Variants in NSUN6 observed in about 807,000 individuals in gnomAD.
NSUN6 encodes the protein tRNA (cytosine(72)-C(5))-methyltransferase NSUN6.
In NSUN6, 64 loss-of-function variants were observed where a neutral mutation model predicts 58.0. That is an observed-to-expected ratio of 1.10 (90% CI 0.90 to 1.36). The LOEUF is 1.36. NSUN6 is among the 40% of genes most tolerant of loss of function. The pLI is 0.00. For missense variants in NSUN6, 701 were observed against 550.1 expected (o/e 1.27, Z -2.74); for synonymous variants, 231 against 193.9 (o/e 1.19, Z -1.59).
upstream of NSUN6, chr10:18,651,649 C>A (rs939344544): frequency 6.1e-6 from 6 of 985,894 alleles, no homozygotes; most frequent in Non-Finnish European, 7.2e-6. Context: ...ACGTCACGTC[C>A]GGCGCCTGCG....
intron 8 of NSUN6, among the ~76,000 whole-genome samples, chr10:18,571,428 C>T (rs1325343659): frequency 6.6e-6 from 1 of 150,544 alleles, no homozygotes; most frequent in Non-Finnish European, 1.5e-5. Flanking sequence ...CCATTCCATT[C>T]TTCATTCCAT....
upstream of NSUN6, chr10:18,658,600 A>G (rs1213163278): frequency 1.1e-6 from 1 of 895,260 alleles, no homozygotes; most frequent in Non-Finnish European, 1.3e-6. Flanking sequence ...GGCAAAATGG[A>G]GAGGGGTGCT....
upstream of NSUN6, chr10:18,652,576 T>G: frequency 1.0e-6 from 1 of 982,164 alleles, no homozygotes; most frequent in Admixed American, 6.2e-5. Context: ...GCTCTTTTTT[T>G]TTTTTTTTTT....
At chr10:18,598,545 C>T (rs1257248457) in intron 6 of NSUN6, among the ~76,000 whole-genome samples, 4 of 152,212 alleles carry the variant, frequency 2.6e-5, no homozygotes, top group Non-Finnish European at 4.4e-5. Flanking sequence ...AACCACGGCT[C>T]ACTGAAGCCT....
At chr10:18,606,949 A>T (rs539092989) in intron 6 of NSUN6, among the ~76,000 whole-genome samples, 31 of 152,158 alleles carry the variant, frequency 2.0e-4, no homozygotes, top group Admixed American at 3.9e-4. Context: ...TCCATATTAG[A>T]TCTAAGTTAA....
chr10:18,619,602 A>T (rs79322364), intron 3 of NSUN6, among the ~76,000 whole-genome samples: 1,809 of 152,224 alleles, frequency 0.012, 12 homozygotes, highest in Non-Finnish European at 0.02. Context: ...ACTCAACTAC[A>T]TCATTTTGTG....
chr10:18,574,858 T>C (rs533676412), intron 8 of NSUN6, among the ~76,000 whole-genome samples: 13 of 152,260 alleles, frequency 8.5e-5, no homozygotes, highest in South Asian at 2.1e-4. Flanking sequence ...AGGAAACAAC[T>C]ATTGTCCATG....
intron 8 of NSUN6, among the ~76,000 whole-genome samples, chr10:18,577,499 A>G (rs2056709074): frequency 6.6e-6 from 1 of 152,182 alleles, no homozygotes; most frequent in Admixed American, 6.5e-5. Flanking sequence ...AGAGGCTCAT[A>G]GAAATGGCAC....
chr10:18,546,100 A>G lies in NSUN6; in HGVS notation c.1243T>C (p.Cys415Arg). 6.2e-7 allele frequency: 1 copy of G among 1,613,292 alleles called. No homozygotes were observed. The highest frequency in any genetic ancestry group is 8.5e-7 in the Non-Finnish European group (1 of 1,179,688). The change falls in exon 11 of 11, where the codon TGT (cysteine) becomes CGT (arginine). Residue 415 changes from cysteine to arginine, a missense_variant. Physicochemically the swap from Cys to Arg is radical, Grantham distance 180 (BLOSUM62 -3). Transcript: ENST00000377304. ...CGCTGCAGCTGTTTCAACTGTTCACATGAGAGCCCAGCTCCCCTCATTCCT... is the reference window on the plus strand; with the variant it reads ...CGCTGCAGCTGTTTCAACTGTTCACGTGAGAGCCCAGCTCCCCTCATTCCT... Reference protein sequence around the residue: ...GEGMRGAGLSCEQLKQLQRFD... With the variant: ...GEGMRGAGLSREQLKQLQRFD...
chr10:18,648,535 G>C lies in NSUN6; in HGVS notation c.186C>G (p.Ala62=), dbSNP rs754033139. Residue 62 remains alanine, a synonymous_variant, in exon 2 of 11, where the codon GCC becomes GCG. Coordinates refer to ENST00000377304, the MANE Select transcript of NSUN6 (RefSeq NM_182543.5). Reference sequence around the variant, plus strand: ...ACAGATTTTTCACATGTTGTACTGAGGCTAAATGTGTATTCACTCTGACAG... The same window carrying C: ...ACAGATTTTTCACATGTTGTACTGACGCTAAATGTGTATTCACTCTGACAG... ...FTTVRVNTHL[A]SVQHVKNLLL... is the part of the protein sequence containing the mutation. The C allele has an allele frequency of 2.5e-6, 4 of 1,609,032 alleles. No homozygotes were observed. The highest frequency in any genetic ancestry group is 3.4e-6 in the Non-Finnish European group (4 of 1,175,630).
chr10:18,550,140 C>T (rs1252892103), intron 9 of NSUN6, among the ~76,000 whole-genome samples: 3 of 152,210 alleles, frequency 2.0e-5, no homozygotes, highest in African/African-American at 7.2e-5. Context: ...CATTCATCTA[C>T]TCCTAGTAGC....
At chr10:18,615,896 G>C (rs1334914358) in intron 4 of NSUN6, among the ~76,000 whole-genome samples, 2 of 149,468 alleles carry the variant, frequency 1.3e-5, no homozygotes, top group Non-Finnish European at 3.0e-5. Flanking sequence ...ATGCAGTCAA[G>C]AAAACAAAAC....
At chr10:18,549,117 G>A (rs11014800) in intron 9 of NSUN6, among the ~76,000 whole-genome samples, 7,360 of 152,118 alleles carry the variant, frequency 0.048, 274 homozygotes, top group Non-Finnish European at 0.077. Flanking sequence ...TCAGCCCCAA[G>A]CCCCTCACAT....
At chr10:18,635,635 G>A (rs557319819) in intron 3 of NSUN6, among the ~76,000 whole-genome samples, 35 of 151,894 alleles carry the variant, frequency 2.3e-4, no homozygotes, top group East Asian at 1.4e-3. Flanking sequence ...TCAGGATTTC[G>A]AAGACCAGCC....
At chr10:18,602,369 G>A (rs897633955) in intron 6 of NSUN6, among the ~76,000 whole-genome samples, 3 of 151,406 alleles carry the variant, frequency 2.0e-5, no homozygotes, top group East Asian at 2.0e-4. Flanking sequence ...TCAGCCTCCC[G>A]AGTAGCTGGG....
chr10:18,610,181 CGTGGTGACAGGCTGTA>C (rs1227603657), intron 5 of NSUN6, among the ~76,000 whole-genome samples: 1 of 151,870 alleles, frequency 6.6e-6, no homozygotes, highest in Non-Finnish European at 1.5e-5. Flanking sequence ...ATTAGCCAAG[CGTGGTGACAGGCTGTA>C]GTGGTGACAG....
chr10:18,604,611 T>A (rs1181915320), intron 6 of NSUN6, among the ~76,000 whole-genome samples: 1 of 152,174 alleles, frequency 6.6e-6, no homozygotes, highest in East Asian at 2.0e-4. Flanking sequence ...AGGCCAGGCA[T>A]GGTGGCTCAC....
At chr10:18,651,037 A>G in intron 1 of NSUN6, 92 bp downstream of exon 1, 1 of 1,493,138 alleles carries the variant, frequency 6.7e-7, no homozygotes, top group African/African-American at 1.4e-5. Context: ...GACGGCTGTC[A>G]AGATTTCCCT....
intron 8 of NSUN6, among the ~76,000 whole-genome samples, chr10:18,578,841 T>C (rs1203072539): frequency 1.3e-5 from 2 of 152,134 alleles, no homozygotes; most frequent in East Asian, 3.9e-4. Flanking sequence ...GAAGAAACTA[T>C]GGGCTGCATT....
Sources: gnomAD v4.1 joint callset for allele counts (sites outside exome capture counted in the v4.1 genomes callset) on GRCh38, gnomAD v4.1.1 for gene constraint, MANE v1.5 for transcripts, NCBI Gene and HGNC (gene_info 2026-07-23, HGNC 2026-07-21) for gene names.